The following TRIM67 variants were observed in gnomAD, a reference collection of about 807,000 sequenced individuals.
The protein encoded by TRIM67 is tripartite motif containing 67, also known as tripartite motif-containing protein 67.
Under a neutral mutation model 71.0 loss-of-function variants are expected in TRIM67, and 39 were observed. The ratio of observed to expected loss-of-function variants is 0.55; its 90% CI spans 0.43 to 0.72. The LOEUF is 0.72. TRIM67 is among the 30% of genes least tolerant of loss of function. TRIM67 has a pLI of 0.00. For synonymous variants in TRIM67, 481 were observed against 473.9 expected, an observed-to-expected ratio of 1.01 and a Z score of -0.19; for missense variants, 973 against 1,079.2, an observed-to-expected ratio of 0.90 and a Z score of 1.38.
At chr1:231,171,487 C>T (rs553981298) in intron 1 of TRIM67, among the ~76,000 whole-genome samples, 2 of 152,262 alleles carry the variant, frequency 1.3e-5, no homozygotes, top group East Asian at 3.9e-4. Flanking sequence ...GCTTTATCCA[C>T]TCTTTAGCCA....
intron 9 of TRIM67, among the ~76,000 whole-genome samples, chr1:231,214,778 CAAAAAAA>C (rs748778482): frequency 2.3e-5 from 1 of 43,926 alleles, no homozygotes; most frequent in Non-Finnish European, 4.8e-5. Flanking sequence ...GACTTCATCT[CAAAAAAA>C]AAAAAAAAAA....
chr1:231,200,812 A>G lies in TRIM67; in HGVS notation c.1375-546A>G, dbSNP rs1683499779. Among the ~76,000 whole-genome samples, 5 of 152,270 alleles carry G rather than the reference A, an allele frequency of 3.3e-5. No individual in the cohort carries two copies. The South Asian group carries it at 8.3e-4, about 25-fold the overall frequency. On this transcript the variant is annotated intron_variant, in intron 4 of 9. Coordinates refer to ENST00000366653, the MANE Select transcript of TRIM67 (RefSeq NM_001004342.5). Reference sequence around the variant, plus strand: ...CACACGAGACCCTGGCTCGACAGGGACACGTGCAAATGTCTGATAAGCAGG... The same window carrying G: ...CACACGAGACCCTGGCTCGACAGGGGCACGTGCAAATGTCTGATAAGCAGG...
At chr1:231,168,846 A>G (rs1226298293) in intron 1 of TRIM67, among the ~76,000 whole-genome samples, 1 of 152,166 alleles carries the variant, frequency 6.6e-6, no homozygotes, top group Non-Finnish European at 1.5e-5. Flanking sequence ...GTAGGGTTGG[A>G]TGGGCAAAAA....
At chr1:231,196,773 T>C (rs1683378504) in intron 1 of TRIM67, among the ~76,000 whole-genome samples, 2 of 152,174 alleles carry the variant, frequency 1.3e-5, no homozygotes, top group Admixed American at 6.5e-5. Flanking sequence ...CACCCCTCTC[T>C]GCAGGGTGAG....
intron 1 of TRIM67, 144 bp from the exon 2 acceptor site, chr1:231,197,227 T>C (rs193155889): frequency 4.8e-6 from 3 of 628,838 alleles, no homozygotes; most frequent in Admixed American, 5.4e-5. Context: ...CATGGGTCAG[T>C]GGTGGTCCCT....
intron 3 of TRIM67, 137 bp downstream of exon 3, chr1:231,199,306 G>C: frequency 1.1e-6 from 1 of 869,720 alleles, no homozygotes; most frequent in South Asian, 1.5e-5. Context: ...ATGAGGCAAG[G>C]AAGGGATGCA....
At chr1:231,184,876 G>T in intron 1 of TRIM67, 1 of 734,666 alleles carries the variant, frequency 1.4e-6, no homozygotes, top group Non-Finnish European at 2.2e-6. Flanking sequence ...AGGACACGAA[G>T]TCTCACAGAG....
At chr1:231,173,016 CTAA>C (rs952554876) in intron 1 of TRIM67, among the ~76,000 whole-genome samples, 32 of 152,284 alleles carry the variant, frequency 2.1e-4, no homozygotes, top group African/African-American at 7.5e-4. Flanking sequence ...GCTGATGCTG[CTAA>C]TGATTATTTC....
chr1:231,180,506 C>A (rs532123831), intron 1 of TRIM67, among the ~76,000 whole-genome samples: 1 of 152,200 alleles, frequency 6.6e-6, no homozygotes, highest in African/African-American at 2.4e-5. Context: ...TCTCCTGCAC[C>A]CCCCTTCAGA....
intron 5 of TRIM67, among the ~76,000 whole-genome samples, chr1:231,203,020 G>A (rs897942620): frequency 5.3e-5 from 8 of 152,116 alleles, no homozygotes; most frequent in African/African-American, 9.7e-5. Context: ...GGGATGGAGC[G>A]AGGACTCCTA....
Position 231,163,151 on chromosome 1 carries a change from C to T in TRIM67, c.182C>T (p.Ala61Val), listed in dbSNP as rs764545318. The T allele has an allele frequency of 5.3e-6, 8 of 1,510,764 alleles. No homozygotes were observed. In the South Asian group the frequency reaches 1.0e-4, roughly 19 times the overall value. The allele number at this position is 1,510,764 out of a possible 1,614,324, so 93.6% of individuals were successfully genotyped here. The change falls in exon 1 of 10, where the codon GCC (alanine) becomes GTC (valine). Residue 61 changes from alanine to valine, a missense_variant. This residue lies in a region of TRIM67 where 795 missense variants were observed against 831.3 expected (regional missense o/e 0.96). Coordinates refer to ENST00000366653, the MANE Select transcript of TRIM67 (RefSeq NM_001004342.5). Reference protein sequence around the residue: ...LSRGSGLQAGAAAAASLEHDA... With the variant: ...LSRGSGLQAGVAAAASLEHDA... ...CGGGGATCGGGGCTGCAGGCGGGCG[C>T]CGCCGCCGCTGCCTCTCTGGAGCAC...
Position 231,212,924 on chromosome 1 carries a change from C to T in TRIM67, c.2124-891C>T, listed in dbSNP as rs1053930830. Among the ~76,000 whole-genome samples, 6 of 152,120 alleles carry T rather than the reference C, an allele frequency of 3.9e-5. 1 individual carries two copies. Among genetic ancestry groups the T allele is most frequent in the East Asian group, 1.9e-4 (1 of 5,178 alleles). ...AGCACAATGGACATTCTCAACGTTCCGCTATTGGTCACCTGAGGGATAATG... is the reference window on the plus strand; with the variant it reads ...AGCACAATGGACATTCTCAACGTTCTGCTATTGGTCACCTGAGGGATAATG... On this transcript the variant is annotated intron_variant, in intron 8 of 9. Coordinates refer to ENST00000366653, the MANE Select transcript of TRIM67 (RefSeq NM_001004342.5).
chr1:231,193,336 TG>T (rs1434998526), intron 1 of TRIM67, among the ~76,000 whole-genome samples: 15 of 152,164 alleles, frequency 9.9e-5, no homozygotes, highest in Admixed American at 9.8e-4. Context: ...ATGAACTGAA[TG>T]TTTGTGTCCC....
At chr1:231,178,799 C>T (rs965581020) in intron 1 of TRIM67, among the ~76,000 whole-genome samples, 2 of 152,168 alleles carry the variant, frequency 1.3e-5, no homozygotes, top group African/African-American at 4.8e-5. Flanking sequence ...CCACTCTCGG[C>T]CAGTTTCCTT....
In TRIM67 at chr1:231,191,160, C is replaced by G. The variant is rs150079123; in HGVS notation, c.1045-6211C>G. Among the ~76,000 whole-genome samples the G allele has an allele frequency of 5.3e-3, 805 of 152,302 alleles. 5 individuals carry two copies. Among genetic ancestry groups the G allele is most frequent in the African/African-American group, 0.018 (760 of 41,560 alleles). ...CTCAGTGCAGCCTCAAACTTCTGAG[C>G]TCAAGCAATCCTTCCACCTCAGCCT... On this transcript the variant is annotated intron_variant, in intron 1 of 9. Transcript: ENST00000366653.
At chr1:231,202,595 A>G (rs1683583583) in intron 5 of TRIM67, among the ~76,000 whole-genome samples, 1 of 152,132 alleles carries the variant, frequency 6.6e-6, no homozygotes, top group African/African-American at 2.4e-5. Flanking sequence ...GGGGAGGTAA[A>G]GCTCTTTGGT....
chr1:231,219,506 G>A lies in TRIM67; in HGVS notation c.*4066G>A, dbSNP rs761246848. 942 of 1,069,320 alleles carry A rather than the reference G, an allele frequency of 8.8e-4. 1 individual carries two copies. The highest frequency in any genetic ancestry group is 1.0e-3 in the Non-Finnish European group (889 of 880,756). 66.2% of individuals were successfully genotyped at this position (1,069,320 alleles called of 1,614,324 possible). On this transcript the variant is annotated 3_prime_UTR_variant, in exon 10 of 10. Transcript: ENST00000366653. ...CAGGATTTTCCATGTGTCTTCAGGG[G>A]GCAGGTAGGGGAAAATGGGGTGAGC...
intron 1 of TRIM67, among the ~76,000 whole-genome samples, chr1:231,183,908 C>A (rs1248722070): frequency 6.6e-6 from 1 of 152,062 alleles, no homozygotes; most frequent in Non-Finnish European, 1.5e-5. Context: ...CATTCTGGCT[C>A]CCAAGGCTTC....
At position 231,209,942 on chromosome 1, in the gene TRIM67, G is replaced by A. The variant is rs1172498108; in HGVS notation, c.2123+692G>A. ...ATGGGTCCTCCAGGGCTGCCCCTGA[G>A]GCCTGGGCTTCTCTAGGGTGCCTTG... is the stretch of plus-strand genomic sequence containing the variant. On this transcript the variant is annotated intron_variant, in intron 8 of 9. Coordinates refer to ENST00000366653, the MANE Select transcript of TRIM67 (RefSeq NM_001004342.5). This position sits in a 1 kb window ranked among gnomAD's most constrained non-coding sequence, Gnocchi z 4.1. 6.6e-6 allele frequency among the ~76,000 whole-genome samples: 1 copy of A among 152,154 alleles called. No individual in the cohort carries two copies. Among genetic ancestry groups the A allele is most frequent in the East Asian group, 1.9e-4 (1 of 5,190 alleles).
Sources: gnomAD v4.1 joint callset for allele counts (sites outside exome capture counted in the v4.1 genomes callset) on GRCh38, gnomAD v4.1.1 for gene constraint, gnomAD v4.1.1 regional missense constraint, Gnocchi (gnomAD v3.1) non-coding constraint, MANE v1.5 for transcripts, NCBI Gene and HGNC (gene_info 2026-07-23, HGNC 2026-07-21) for gene names.